ERG: variants seen among roughly 807,000 people sequenced by gnomAD.
ERG encodes the protein ETS transcription factor ERG, also known as transcriptional regulator ERG.
ERG carries 9 observed loss-of-function variants against 55.3 expected under a neutral mutation model. The ratio of observed to expected loss-of-function variants is 0.16; its 90% confidence interval spans 0.10 to 0.28. The LOEUF (loss-of-function observed/expected upper bound fraction) is 0.28, where lower values mean the gene tolerates loss of function less well. ERG is among the 10% of genes least tolerant of loss of function. The pLI is 1.00. For missense variants in ERG, 434 were observed against 631.6 expected (o/e 0.69, Z 3.35); for synonymous variants, 223 against 237.3 (o/e 0.94, Z 0.55).
At position 38,380,857 on chromosome 21, in the gene ERG, G is replaced by T. The variant is rs954380913; in HGVS notation, c.*2546C>A. 3 of 1,065,078 alleles carry T rather than the reference G, an allele frequency of 2.8e-6. No homozygotes were observed. Among genetic ancestry groups the T allele is most frequent in the Non-Finnish European group, 3.4e-6 (3 of 879,190 alleles). 66.0% of individuals were successfully genotyped at this position (1,065,078 alleles called of 1,614,324 possible). A position where few individuals can be genotyped will look rare whatever the true frequency, so the allele number is the denominator to read the frequency against. On this transcript the variant is annotated 3_prime_UTR_variant, in exon 10 of 10. Coordinates refer to ENST00000288319, the MANE Select transcript of ERG (RefSeq NM_182918.4). ...TGCTCATGAGACAGTCTTGAAGAGA[G>T]AACTGAGTGATTATCCAAGTAAATG...
intron 2 of ERG, among the ~76,000 whole-genome samples, chr21:38,523,715 T>A (rs1371703972): frequency 3.3e-5 from 5 of 152,236 alleles, no homozygotes; most frequent in Non-Finnish European, 5.9e-5. Context: ...TTATTTCATA[T>A]GAAAACAATC....
At chr21:38,429,713 A>G (rs551406048) in intron 2 of ERG, among the ~76,000 whole-genome samples, 1 of 75,486 alleles carries the variant, frequency 1.3e-5, no homozygotes, top group Non-Finnish European at 2.8e-5. Context: ...ATGTGTGTGC[A>G]TATATGTCTA....
intron 1 of ERG, among the ~76,000 whole-genome samples, chr21:38,494,575 T>C (rs576135943): frequency 2.0e-5 from 3 of 152,388 alleles, no homozygotes; most frequent in Non-Finnish European, 2.9e-5. Context: ...TTTTTATGTA[T>C]GCTTTTTCAA....
intron 6 of ERG, chr21:38,395,476 T>G: frequency 4.7e-6 from 1 of 211,872 alleles, no homozygotes. Flanking sequence ...TCCATTTCTC[T>G]TTGACTTTGA....
In ERG at chr21:38,546,085, T is replaced by G. The variant is rs143658820; in HGVS notation, c.-41+29577A>C. 1.2e-4 allele frequency among the ~76,000 whole-genome samples: 19 copies of G among 152,290 alleles called. No homozygotes were observed. In the East Asian group the frequency reaches 2.5e-3, roughly 20 times the overall value. On this transcript the variant is annotated intron_variant, in intron 2 of 8. Transcript: ENST00000398897. ...GACTCCCAAGACCCAGTCAGCTGTTTAGGTGTCTCCTCTGTATGCAGCACT... is the reference window on the plus strand; with the variant it reads ...GACTCCCAAGACCCAGTCAGCTGTTGAGGTGTCTCCTCTGTATGCAGCACT...
At chr21:38,504,402 A>G (rs2059444793) in intron 2 of ERG, among the ~76,000 whole-genome samples, 1 of 152,250 alleles carries the variant, frequency 6.6e-6, no homozygotes, top group Non-Finnish European at 1.5e-5. Context: ...TAAAACCATT[A>G]TCAAGGACTC....
At chr21:38,429,341 T>C (rs1990003681) in intron 2 of ERG, among the ~76,000 whole-genome samples, 1 of 150,708 alleles carries the variant, frequency 6.6e-6, no homozygotes, top group Non-Finnish European at 1.5e-5. Flanking sequence ...TATATCTACA[T>C]ATGCACACAT....
intron 1 of ERG, 33 bp from the exon 2 acceptor site, chr21:38,445,654 A>C (rs1187608812): frequency 1.9e-6 from 3 of 1,547,740 alleles, no homozygotes; most frequent in Non-Finnish European, 2.7e-6. Flanking sequence ...AATTCAAGAC[A>C]CTCCAACAGA....
downstream of ERG, among the ~76,000 whole-genome samples, chr21:38,375,579 G>A (rs1167682844): frequency 1.3e-5 from 2 of 152,098 alleles, no homozygotes; most frequent in African/African-American, 4.8e-5. Context: ...TTCCCACAGA[G>A]CCCGACACAC....
chr21:38,565,803 G>A lies in ERG; in HGVS notation c.-41+9859C>T, dbSNP rs1036110037. Among the ~76,000 whole-genome samples, 6 of 152,200 alleles carry A rather than the reference G, an allele frequency of 3.9e-5. No homozygotes were observed. The South Asian group carries it at 6.2e-4, about 16-fold the overall frequency. ...ACCTGATTTGTAACTATTCCCTTGA[G>A]CACATTCTATCTCAGCCACGGGAAT... On this transcript the variant is annotated intron_variant, in intron 2 of 8. Coordinates refer to the ERG transcript ENST00000398897.
intron 2 of ERG, among the ~76,000 whole-genome samples, chr21:38,428,484 G>A (rs566704231): frequency 1.7e-4 from 26 of 152,250 alleles, no homozygotes; most frequent in Non-Finnish European, 3.4e-4. Flanking sequence ...GGATTTGGAC[G>A]TTCAATGCAT....
At chr21:38,439,707 G>A (rs1300491392) in intron 2 of ERG, among the ~76,000 whole-genome samples, 1 of 152,248 alleles carries the variant, frequency 6.6e-6, no homozygotes, top group African/African-American at 2.4e-5. Flanking sequence ...GGCTCGCAAA[G>A]CAGTGGTTCC....
rs530727114 is a variant in ERG at position 38,513,124 on chromosome 21, C to T, written c.-41+62538G>A. The stretch of plus-strand genomic sequence containing the variant: ...CGAGCCTGACAACAGAGTAAGACTC[C>T]GTCTCAAAAAAAAAAATAATAATAA... On this transcript the variant is annotated intron_variant, in intron 2 of 8. Transcript: ENST00000398897. Among the ~76,000 whole-genome samples, 8 of 90,946 alleles carry T rather than the reference C, an allele frequency of 8.8e-5. No individual in the cohort carries two copies. In the South Asian group the frequency reaches 1.7e-3, roughly 19 times the overall value. The allele number at this position is 90,946 out of a possible 152,430, so 59.7% of individuals were successfully genotyped here.
intron 2 of ERG, among the ~76,000 whole-genome samples, chr21:38,568,004 C>T (rs973817648): frequency 7.9e-5 from 12 of 152,196 alleles, no homozygotes; most frequent in African/African-American, 2.9e-4. Flanking sequence ...AGCGTTACTT[C>T]CAGAGCGGCA....
At chr21:38,376,357 T>C (rs1987242840), downstream of ERG, among the ~76,000 whole-genome samples, 1 of 152,168 alleles carries the variant, frequency 6.6e-6, no homozygotes, top group Non-Finnish European at 1.5e-5. Flanking sequence ...GACACTCAGT[T>C]GTTACTCTCG....
intron 1 of ERG, among the ~76,000 whole-genome samples, chr21:38,661,373 G>A (rs1159144542): frequency 6.6e-6 from 1 of 152,216 alleles, no homozygotes; most frequent in Admixed American, 6.5e-5. Flanking sequence ...GAACTGGGAC[G>A]ACGTCGCGCA....
intron 1 of ERG, among the ~76,000 whole-genome samples, chr21:38,470,257 C>CTATTAT (rs147294234): frequency 1.3e-5 from 2 of 150,796 alleles, no homozygotes; most frequent in Admixed American, 6.6e-5. Flanking sequence ...TGAGTGTTTT[C>CTATTAT]TATTATTATT....
intron 1 of ERG, among the ~76,000 whole-genome samples, chr21:38,638,275 T>G (rs376945081): frequency 2.0e-5 from 3 of 152,188 alleles, no homozygotes; most frequent in Admixed American, 6.5e-5. Flanking sequence ...TTGTGAGGAT[T>G]TGGGGAGTTA....
In ERG at chr21:38,380,938, G is replaced by A; in HGVS notation, c.*2465C>T. On this transcript the variant is annotated 3_prime_UTR_variant, in exon 10 of 10. Coordinates refer to ENST00000288319, the MANE Select transcript of ERG (RefSeq NM_182918.4). ...TGACTTTGCATTCCAAAATAAAAAT[G>A]ACTGATCTTTTCCATTAGCACAGTT... 9.4e-7 allele frequency: 1 copy of A among 1,065,180 alleles called. No homozygotes were observed. Among genetic ancestry groups the A allele is most frequent in the South Asian group, 4.6e-5 (1 of 21,976 alleles). The allele number at this position is 1,065,180 out of a possible 1,614,324, so 66.0% of individuals were successfully genotyped here.
Sources: allele counts gnomAD v4.1 joint callset (sites outside exome capture counted in the v4.1 genomes callset), GRCh38; gene constraint gnomAD v4.1.1; transcripts MANE v1.5; gene names NCBI Gene and HGNC (gene_info 2026-07-23, HGNC 2026-07-21).